The following PSTPIP2 variants were observed in gnomAD, a reference collection of about 807,000 sequenced individuals.
PSTPIP2 encodes the protein proline-serine-threonine phosphatase interacting protein 2.
A neutral mutation model predicts 63.3 loss-of-function variants in PSTPIP2; 33 were observed. The ratio of observed to expected loss-of-function variants is 0.52; its 90% CI spans 0.40 to 0.70. The LOEUF (loss-of-function observed/expected upper bound fraction) is 0.70, where lower values mean the gene tolerates loss of function less well. PSTPIP2 is among the 30% of genes least tolerant of loss of function. The pLI is 0.00. For synonymous variants in PSTPIP2, 125 were observed against 132.7 expected (o/e 0.94, Z 0.40); for missense variants, 312 against 400.7 (o/e 0.78, Z 1.89).
chr18:46,000,986 C>G (rs1392251761), intron 6 of PSTPIP2, among the ~76,000 whole-genome samples: 2 of 152,150 alleles, frequency 1.3e-5, no homozygotes, highest in African/African-American at 4.8e-5. Flanking sequence ...CAATGGAACA[C>G]TACTCCACTA....
intron 1 of PSTPIP2, among the ~76,000 whole-genome samples, chr18:46,063,996 T>C (rs1909082633): frequency 6.6e-6 from 1 of 152,220 alleles, no homozygotes; most frequent in Admixed American, 6.5e-5. Flanking sequence ...CAGTAGGTAT[T>C]ACTGAGAATC....
chr18:45,994,632 C>A (rs970322596), intron 9 of PSTPIP2, among the ~76,000 whole-genome samples: 1 of 152,132 alleles, frequency 6.6e-6, no homozygotes, highest in East Asian at 1.9e-4. Flanking sequence ...TAAAACAAAA[C>A]TTCCAACATA....
chr18:46,032,172 A>T (rs1327994368), intron 2 of PSTPIP2, among the ~76,000 whole-genome samples: 4 of 152,226 alleles, frequency 2.6e-5, no homozygotes, highest in African/African-American at 9.6e-5. Context: ...CAGGCATCGT[A>T]CTAGGTGCTA....
At chr18:46,046,999 T>C (rs185750105) in intron 1 of PSTPIP2, among the ~76,000 whole-genome samples, 1 of 152,326 alleles carries the variant, frequency 6.6e-6, no homozygotes, top group Non-Finnish European at 1.5e-5. Context: ...GTTTTACAGG[T>C]GGAGGAAACA....
At chr18:45,990,903 G>A (rs2144058241) in intron 12 of PSTPIP2, 147 bp from the exon 13 acceptor site, 2 of 598,278 alleles carry the variant, frequency 3.3e-6, no homozygotes, top group Non-Finnish European at 5.6e-6. Flanking sequence ...CAAATGATCT[G>A]TAGCACTGAC....
chr18:46,043,643 G>T (rs1209826174), intron 1 of PSTPIP2, among the ~76,000 whole-genome samples: 18 of 152,202 alleles, frequency 1.2e-4, no homozygotes, highest in Non-Finnish European at 1.9e-4. Context: ...CACACTGAAT[G>T]TCCTAGCCAG....
intron 1 of PSTPIP2, among the ~76,000 whole-genome samples, chr18:46,068,299 C>T (rs1351577061): frequency 1.3e-5 from 2 of 151,892 alleles, no homozygotes; most frequent in Admixed American, 6.6e-5. Context: ...GGCATAGTGG[C>T]TTACACCTCT....
rs144182918 is a variant in PSTPIP2, at chr18:45,990,394, T to C, written c.955+328A>G. Among the ~76,000 whole-genome samples the C allele has an allele frequency of 5.1e-3, 777 of 152,288 alleles. 9 individuals carry two copies. The highest frequency in any genetic ancestry group is 0.017 in the African/African-American group (718 of 41,550). ...CTATTTAATTTTAAAGAAAACCCAA[T>C]ATAAGAATTTCGTGGGTTTTTTGGG... On this transcript the variant is annotated intron_variant, in intron 13 of 14. Transcript: ENST00000409746.
rs1403246094 is a variant in PSTPIP2, at chr18:46,006,065, A to G, written c.355-534T>C. Among the ~76,000 whole-genome samples, 5 of 151,938 alleles carry G rather than the reference A, an allele frequency of 3.3e-5. No individual in the cohort carries two copies. The East Asian group carries it at 9.6e-4, about 29-fold the overall frequency. On this transcript the variant is annotated intron_variant, in intron 5 of 14. Transcript: ENST00000409746. The stretch of plus-strand genomic sequence containing the variant: ...TGTTACTCTTTTATTCCATTTTTTT[A>G]TTTTTTAAGACAGAGTCTCACTCTG...
At chr18:46,016,207 G>A in intron 3 of PSTPIP2, 2 of 412,660 alleles carry the variant, frequency 4.8e-6, no homozygotes, top group Non-Finnish European at 8.9e-6. Context: ...TAGGATAGGA[G>A]TTATGATCCT....
intron 1 of PSTPIP2, among the ~76,000 whole-genome samples, chr18:46,056,500 GCCAGGAGTTTGAGA>G (rs747219318): frequency 1.2e-4 from 19 of 152,172 alleles, no homozygotes; most frequent in Non-Finnish European, 2.2e-4. Flanking sequence ...GATCGCTTGG[GCCAGGAGTTTGAGA>G]CCAGGAGTTT....
intron 1 of PSTPIP2, among the ~76,000 whole-genome samples, chr18:46,044,429 T>C (rs1323353322): frequency 2.6e-5 from 4 of 152,166 alleles, no homozygotes; most frequent in Non-Finnish European, 5.9e-5. Context: ...ATTTAATAAA[T>C]GGTGCTGGGA....
At chr18:46,068,296 T>C (rs1196071639) in intron 1 of PSTPIP2, among the ~76,000 whole-genome samples, 3 of 152,034 alleles carry the variant, frequency 2.0e-5, no homozygotes, top group African/African-American at 4.8e-5. Context: ...ACAGGCATAG[T>C]GGCTTACACC....
In PSTPIP2 at chr18:46,024,693, G is replaced by C; in HGVS notation, c.135-7C>G. ...CCTCTCTTCAATTGCTGCCCTAGGG[G>C]AACAGAAGAGAGGGTTATGGGTCCT... On this transcript the variant is annotated splice_polypyrimidine_tract_variant and splice_region_variant and intron_variant, in intron 2 of 14. Transcript: ENST00000409746. 1 of 1,609,874 alleles carries C rather than the reference G, an allele frequency of 6.2e-7. No homozygotes were observed. The highest frequency in any genetic ancestry group is 1.3e-5 in the African/African-American group (1 of 74,920).
rs372483755 is a variant in PSTPIP2, at chr18:45,999,329, T to C, written c.516+107A>G. ...ACCCCCAATACATGAAGGAAGATATTTCCAGGGGTTTAGGATACAGGTTCA... is the reference window on the plus strand; with the variant it reads ...ACCCCCAATACATGAAGGAAGATATCTCCAGGGGTTTAGGATACAGGTTCA... On this transcript the variant is annotated intron_variant, in intron 7 of 14. Transcript: ENST00000409746. The C allele has an allele frequency of 3.6e-5, 37 of 1,040,382 alleles. No homozygotes were observed. In the South Asian group the frequency reaches 4.0e-4, roughly 11 times the overall value. The allele number at this position is 1,040,382 out of a possible 1,614,324, so 64.4% of individuals were successfully genotyped here.
At chr18:46,011,606 C>A (rs146322913) in intron 4 of PSTPIP2, among the ~76,000 whole-genome samples, 46 of 152,278 alleles carry the variant, frequency 3.0e-4, no homozygotes, top group African/African-American at 1.1e-3. Flanking sequence ...CCAAAGCCAG[C>A]ACAATTTCAA....
intron 1 of PSTPIP2, among the ~76,000 whole-genome samples, chr18:46,056,387 G>C (rs556764684): frequency 1.3e-5 from 2 of 152,304 alleles, no homozygotes; most frequent in South Asian, 4.1e-4. Context: ...AGGCATGGTC[G>C]TGCATGTGCA....
chr18:46,035,505 T>C (rs1321912455), intron 2 of PSTPIP2, among the ~76,000 whole-genome samples: 1 of 151,592 alleles, frequency 6.6e-6, no homozygotes. Context: ...GAGAATTTAC[T>C]TAGGCATCAG....
intron 1 of PSTPIP2, among the ~76,000 whole-genome samples, chr18:46,051,273 C>T (rs1179372316): frequency 6.6e-6 from 1 of 152,038 alleles, no homozygotes; most frequent in Non-Finnish European, 1.5e-5. Flanking sequence ...GACAGGAGTT[C>T]AAGACCAGCC....
Sources: gnomAD v4.1 joint callset for allele counts (sites outside exome capture counted in the v4.1 genomes callset) on GRCh38, gnomAD v4.1.1 for gene constraint, MANE v1.5 for transcripts, NCBI Gene and HGNC (gene_info 2026-07-23, HGNC 2026-07-21) for gene names.